ZDHHC15: variants seen among roughly 807,000 people sequenced by gnomAD.
The protein encoded by ZDHHC15 is palmitoyltransferase ZDHHC15.
A neutral mutation model predicts 31.7 loss-of-function variants in ZDHHC15; 19 were observed. The ratio of observed to expected loss-of-function variants is 0.60; its 90% CI spans 0.42 to 0.88. The LOEUF is 0.88. Among genes scored for constraint, ZDHHC15 ranks in the 40% least tolerant of loss-of-function variants. The pLI is 0.00. For missense variants in ZDHHC15, 209 were observed against 251.2 expected (o/e 0.83, Z 1.14); for synonymous variants, 103 against 90.0 (o/e 1.14, Z -0.82).
At chrX:75,437,084 T>C (rs984134689) in intron 4 of ZDHHC15, among the ~76,000 whole-genome samples, 4 of 110,154 alleles carry the variant, frequency 3.6e-5, no homozygotes, top group Admixed American at 2.9e-4. Context: ...GGTTTCACCG[T>C]GTTAGCCAGG....
At chrX:75,421,813 G>T (rs768560108) in intron 9 of ZDHHC15, 51 bp downstream of exon 9, 1 of 1,177,414 alleles carries the variant, frequency 8.5e-7, no homozygotes, top group Non-Finnish European at 1.1e-6. Flanking sequence ...GAATTTGCTG[G>T]TTCAAGGCAG....
At position 75,490,137 on chromosome X, in the gene ZDHHC15, G is replaced by T. The variant is rs2084855147; in HGVS notation, c.164-11152C>A. Among the ~76,000 whole-genome samples, 3 of 111,955 alleles carry T rather than the reference G, an allele frequency of 2.7e-5. No homozygotes were observed. The South Asian group carries it at 1.1e-3, about 42-fold the overall frequency. ...GACTGGTGTACCTGAAAGTGACAGG[G>T]AGAATGGAACCAAGTTGGAAAACAC... is the stretch of plus-strand genomic sequence containing the variant. On this transcript the variant is annotated intron_variant, in intron 2 of 11. Transcript: ENST00000373367.
Sources: gnomAD v4.1 joint callset for allele counts (sites outside exome capture counted in the v4.1 genomes callset) on GRCh38, gnomAD v4.1.1 for gene constraint, MANE v1.5 for transcripts, NCBI Gene and HGNC (gene_info 2026-07-23, HGNC 2026-07-21) for gene names.